MACC1: variants seen among roughly 807,000 people sequenced by gnomAD.
MACC1 encodes the protein MET transcriptional regulator MACC1.
Under a neutral mutation model 70.7 loss-of-function variants are expected in MACC1, and 79 were observed. That is an observed-to-expected ratio of 1.12 (90% CI 0.93 to 1.35). The LOEUF (loss-of-function observed/expected upper bound fraction) is 1.35, where lower values mean the gene tolerates loss of function less well. Ranked by LOEUF, MACC1 falls within the 40% of genes most tolerant of loss-of-function variation. The pLI is 0.00. For synonymous variants in MACC1, 361 were observed against 347.2 expected (o/e 1.04, Z -0.44); for missense variants, 1,106 against 978.1 (o/e 1.13, Z -1.74).
intron 1 of MACC1, among the ~76,000 whole-genome samples, chr7:20,185,466 C>T (rs533714757): frequency 1.7e-5 from 2 of 115,730 alleles, no homozygotes; most frequent in Non-Finnish European, 3.5e-5. Context: ...TGAGATGGTG[C>T]TTACAAAGTT....
At chr7:20,154,472 G>A in intron 5 of MACC1, 91 bp from the exon 6 acceptor site, 1 of 1,299,484 alleles carries the variant, frequency 7.7e-7, no homozygotes, top group Non-Finnish European at 1.0e-6. Flanking sequence ...TTCTACAAAT[G>A]GGAGTCCTTT....
intron 2 of MACC1, among the ~76,000 whole-genome samples, chr7:20,169,132 T>C (rs1464183380): frequency 1.3e-5 from 2 of 152,192 alleles, no homozygotes; most frequent in Non-Finnish European, 2.9e-5. Context: ...AGTACTTTCA[T>C]TGTGAAAAAC....
At chr7:20,178,582 C>T in intron 1 of MACC1, among the ~76,000 whole-genome samples, 1 of 152,002 alleles carries the variant, frequency 6.6e-6, no homozygotes, top group Non-Finnish European at 1.5e-5. Flanking sequence ...ATGGAGTACA[C>T]CTATGCAGAT....
intron 4 of MACC1, among the ~76,000 whole-genome samples, chr7:20,161,401 C>T (rs1045010216): frequency 1.3e-5 from 2 of 152,028 alleles, no homozygotes; most frequent in East Asian, 3.8e-4. Flanking sequence ...ACCCCTAACT[C>T]TCTTAAAACT....
intron 6 of MACC1, among the ~76,000 whole-genome samples, chr7:20,149,971 T>C (rs1027289929): frequency 1.3e-5 from 2 of 152,170 alleles, no homozygotes; most frequent in African/African-American, 4.8e-5. Context: ...CACAAATACA[T>C]TCACCTTCAG....
intron 5 of MACC1, among the ~76,000 whole-genome samples, chr7:20,156,218 G>A (rs1239393625): frequency 1.3e-5 from 2 of 152,236 alleles, no homozygotes; most frequent in East Asian, 1.9e-4. Flanking sequence ...TGCAAATAAA[G>A]TTTCAAGAGA....
At chr7:20,211,543 T>A (rs1398329112) in intron 1 of MACC1, among the ~76,000 whole-genome samples, 1 of 152,112 alleles carries the variant, frequency 6.6e-6, no homozygotes, top group Non-Finnish European at 1.5e-5. Flanking sequence ...TCCAAACATA[T>A]CTGAGTCTCC....
chr7:20,142,855 G>A (rs920023173), intron 6 of MACC1, among the ~76,000 whole-genome samples: 4 of 152,146 alleles, frequency 2.6e-5, no homozygotes, highest in Non-Finnish European at 5.9e-5. Context: ...AAATTGTCAC[G>A]TATTTTTTAA....
At chr7:20,156,595 C>T (rs1782058082) in intron 5 of MACC1, among the ~76,000 whole-genome samples, 1 of 152,186 alleles carries the variant, frequency 6.6e-6, no homozygotes, top group Non-Finnish European at 1.5e-5. Context: ...CCAGGTAGAG[C>T]AGCTTCTAAC....
At chr7:20,157,958 A>T (rs796957068) in intron 5 of MACC1, among the ~76,000 whole-genome samples, 11 of 152,262 alleles carry the variant, frequency 7.2e-5, no homozygotes, top group African/African-American at 2.6e-4. Flanking sequence ...GCCCAGCACA[A>T]ACAGAACTTT....
chr7:20,196,515 T>C (rs1782756256), intron 1 of MACC1, among the ~76,000 whole-genome samples: 1 of 152,094 alleles, frequency 6.6e-6, no homozygotes, highest in Admixed American at 6.5e-5. Flanking sequence ...CTTTTGTAAT[T>C]AGGTACATCC....
chr7:20,217,210 T>C (rs1783084144), intron 1 of MACC1, 89 bp downstream of exon 1: 1 of 152,216 alleles, frequency 6.6e-6, no homozygotes, highest in African/African-American at 2.4e-5. Context: ...AGCTGGTTTG[T>C]TACATTTTTC....
In MACC1 at chr7:20,159,407, GC is replaced by G. The variant is rs761158164; in HGVS notation, c.953del (p.Gly318AlafsTer6). 1 of 1,613,910 alleles carries G rather than the reference GC, an allele frequency of 6.2e-7. No homozygotes were observed. Among genetic ancestry groups the G allele is most frequent in the Non-Finnish European group, 8.5e-7 (1 of 1,180,002 alleles). ...AGCAGTTGCTTAAAACTTTAAAAGG[GC>G]CTTCTTTACCCAAGCTGTGTAAACA... is the stretch of plus-strand genomic sequence containing the variant. ...MVCLHSLGKE[G>X]PFKVLSNCYI... On this transcript the variant is annotated frameshift_variant, in exon 5 of 7. Transcript: ENST00000400331. LOFTEE classifies it high-confidence loss of function.
intron 1 of MACC1, among the ~76,000 whole-genome samples, chr7:20,209,681 G>A (rs183444041): frequency 6.6e-6 from 1 of 152,106 alleles, no homozygotes; most frequent in African/African-American, 2.4e-5. Context: ...TTAAGGCTTT[G>A]GGGGGGACTA....
At chr7:20,156,079 A>G (rs969341179) in intron 5 of MACC1, among the ~76,000 whole-genome samples, 5 of 152,262 alleles carry the variant, frequency 3.3e-5, no homozygotes, top group African/African-American at 1.2e-4. Context: ...TGTCAAGTAT[A>G]TAAGGACAGC....
In MACC1 at chr7:20,158,486, C is replaced by T; in HGVS notation, c.1875G>A (p.Met625Ile). ...TTCTGGTTGTAAAGACACTATCTGA[C>T]ATAAACATTACTTGCTCCTTTGAAA... ...KVISKEQVMF[M>I]SDSVFTTRNL... Residue 625 changes from methionine (M) to isoleucine (I), a missense_variant, in exon 5 of 7, where the codon ATG becomes ATA. Physicochemically the swap from Met to Ile is conservative, Grantham distance 10. Coordinates refer to ENST00000400331, the MANE Select transcript of MACC1 (RefSeq NM_182762.4). 2 of 1,613,998 alleles carry T rather than the reference C, an allele frequency of 1.2e-6. No homozygotes were observed. Among genetic ancestry groups the T allele is most frequent in the Non-Finnish European group, 1.7e-6 (2 of 1,179,996 alleles).
At position 20,135,244 on chromosome 7, in the gene MACC1, AAT is replaced by A. The variant is rs1171563022; in HGVS notation, c.*5700_*5701del. ...ATTATTGTTAACCTATTTTTATTCA[AAT>A]ATGTTTATGCTTTAAATGAAACACA... On this transcript the variant is annotated 3_prime_UTR_variant, in exon 7 of 7. Coordinates refer to ENST00000400331, the MANE Select transcript of MACC1 (RefSeq NM_182762.4). 6.6e-6 allele frequency: 1 copy of A among 152,218 alleles called. No individual in the cohort carries two copies. The highest frequency in any genetic ancestry group is 2.4e-5 in the African/African-American group (1 of 41,452). 9.4% of individuals were successfully genotyped at this position (152,218 alleles called of 1,614,324 possible). A position where few individuals can be genotyped will look rare whatever the true frequency, so the allele number is the denominator to read the frequency against.
At chr7:20,162,495 G>A (rs1782153113) in intron 3 of MACC1, among the ~76,000 whole-genome samples, 1 of 152,106 alleles carries the variant, frequency 6.6e-6, no homozygotes. Context: ...TCCAGAAGAA[G>A]AGCATGACAA....
chr7:20,211,292 T>C (rs532985604), intron 1 of MACC1, among the ~76,000 whole-genome samples: 2 of 152,102 alleles, frequency 1.3e-5, no homozygotes, highest in African/African-American at 4.8e-5. Flanking sequence ...ATATAATTAA[T>C]GTGTTTGGCA....
Sources: gnomAD v4.1 joint callset for allele counts (sites outside exome capture counted in the v4.1 genomes callset) on GRCh38, gnomAD v4.1.1 for gene constraint, MANE v1.5 for transcripts, NCBI Gene and HGNC (gene_info 2026-07-23, HGNC 2026-07-21) for gene names.